SNX29: variants seen among roughly 807,000 people sequenced by gnomAD.
The protein encoded by SNX29 is sorting nexin 29, also known as sorting nexin-29.
In SNX29, 78 loss-of-function variants were observed where a neutral mutation model predicts 102.1. That is an observed-to-expected ratio of 0.76 (90% CI 0.64 to 0.92). The LOEUF (loss-of-function observed/expected upper bound fraction) is 0.92, where lower values mean the gene tolerates loss of function less well. SNX29 is among the 40% of genes least tolerant of loss of function. The probability of loss-of-function intolerance (pLI) is 0.00; values close to 1 mark genes in which losing one functional copy is unlikely to be tolerated. For missense variants in SNX29, 1,280 were observed against 1,061.7 expected (o/e 1.21, Z -2.86); for synonymous variants, 580 against 414.5 (o/e 1.40, Z -4.85).
intron 15 of SNX29, among the ~76,000 whole-genome samples, chr16:12,333,031 A>G (rs1455911130): frequency 6.6e-6 from 1 of 151,974 alleles, no homozygotes; most frequent in Non-Finnish European, 1.5e-5. Flanking sequence ...AATGAAGGGA[A>G]TGGAGTATTT....
chr16:12,328,572 G>A (rs886644172), intron 15 of SNX29, among the ~76,000 whole-genome samples: 9 of 151,994 alleles, frequency 5.9e-5, no homozygotes, highest in Admixed American at 2.0e-4. Flanking sequence ...CAGATTCCTC[G>A]TTCTCTGTCC....
chr16:12,411,868 G>C (rs889810), intron 18 of SNX29, among the ~76,000 whole-genome samples: 85,542 of 152,058 alleles, frequency 0.56, 24,583 homozygotes, highest in Non-Finnish European at 0.63. Context: ...TTTGTGATCT[G>C]ATAACCACTT....
chr16:12,220,358 C>T (rs910575113), intron 14 of SNX29, among the ~76,000 whole-genome samples: 10 of 151,708 alleles, frequency 6.6e-5, no homozygotes, highest in Non-Finnish European at 1.3e-4. Flanking sequence ...GCAACAGATT[C>T]ACAGGCACAA....
intron 18 of SNX29, among the ~76,000 whole-genome samples, chr16:12,405,991 C>A (rs1421433033): frequency 1.3e-5 from 2 of 151,668 alleles, no homozygotes; most frequent in African/African-American, 4.8e-5. Context: ...GAGATCGCAC[C>A]ATTGCACTCC....
chr16:12,028,290 G>T (rs1469786579), intron 4 of SNX29, among the ~76,000 whole-genome samples: 2 of 152,078 alleles, frequency 1.3e-5, no homozygotes, highest in Non-Finnish European at 2.9e-5. Flanking sequence ...ATAATCCTTA[G>T]TCTTTCCCTC....
intron 20 of SNX29, among the ~76,000 whole-genome samples, chr16:12,540,036 A>T (rs2077257705): frequency 6.6e-6 from 1 of 152,010 alleles, no homozygotes; most frequent in African/African-American, 2.4e-5. Context: ...ATTTTGATGA[A>T]ATTTACTTTT....
chr16:12,561,822 A>C (rs1005063693), intron 20 of SNX29, among the ~76,000 whole-genome samples: 4 of 152,010 alleles, frequency 2.6e-5, no homozygotes, highest in Non-Finnish European at 5.9e-5. Context: ...CGCAGCTTAC[A>C]TCCTTCTCCC....
intron 13 of SNX29, among the ~76,000 whole-genome samples, chr16:12,178,064 C>T (rs561595598): frequency 6.6e-6 from 1 of 152,208 alleles, no homozygotes; most frequent in African/African-American, 2.4e-5. Flanking sequence ...CTGGTAAATG[C>T]TCTATGTCAT....
intron 18 of SNX29, among the ~76,000 whole-genome samples, chr16:12,462,934 C>A (rs1187122857): frequency 6.6e-6 from 1 of 152,218 alleles, no homozygotes; most frequent in Non-Finnish European, 1.5e-5. Flanking sequence ...TTTACATCCC[C>A]CTGCTATGAT....
chr16:12,209,963 T>C (rs1335318482), intron 14 of SNX29, among the ~76,000 whole-genome samples: 1 of 152,132 alleles, frequency 6.6e-6, no homozygotes, highest in Non-Finnish European at 1.5e-5. Context: ...ACGAATTCGT[T>C]TGGGTTGAAG....
chr16:12,061,145 A>G (rs557617299), intron 8 of SNX29, among the ~76,000 whole-genome samples: 1 of 152,204 alleles, frequency 6.6e-6, no homozygotes, highest in Admixed American at 6.5e-5. Context: ...GCAGCCTTCC[A>G]TGACCTTCCT....
intron 14 of SNX29, among the ~76,000 whole-genome samples, chr16:12,264,845 G>A (rs1415678430): frequency 6.6e-6 from 1 of 151,994 alleles, no homozygotes; most frequent in African/African-American, 2.4e-5. Context: ...ATATCCCAGG[G>A]CACAACAGTT....
chr16:12,463,973 T>TTA (rs1435762493), intron 18 of SNX29, among the ~76,000 whole-genome samples: 1 of 152,014 alleles, frequency 6.6e-6, no homozygotes. Context: ...TAAGAGAAAG[T>TTA]TATAAGATGT....
At chr16:12,562,049 T>TGTGC (rs2078755395) in intron 20 of SNX29, among the ~76,000 whole-genome samples, 1 of 150,726 alleles carries the variant, frequency 6.6e-6, no homozygotes, top group African/African-American at 2.4e-5. Flanking sequence ...TGGAATCATC[T>TGTGC]GTGCCGTTTT....
chr16:12,202,752 C>G (rs1384180107), intron 14 of SNX29, among the ~76,000 whole-genome samples: 2 of 152,260 alleles, frequency 1.3e-5, no homozygotes, highest in Non-Finnish European at 2.9e-5. Flanking sequence ...CTCATGCTTT[C>G]ATTTTGGGCT....
intron 3 of SNX29, among the ~76,000 whole-genome samples, chr16:12,019,178 A>G (rs2056940031): frequency 6.6e-6 from 1 of 152,146 alleles, no homozygotes; most frequent in Non-Finnish European, 1.5e-5. Flanking sequence ...AGGTTCAGAA[A>G]AGTATGAAAG....
At chr16:12,304,654 A>T (rs1317476585) in intron 15 of SNX29, among the ~76,000 whole-genome samples, 1 of 152,092 alleles carries the variant, frequency 6.6e-6, no homozygotes, top group Non-Finnish European at 1.5e-5. Flanking sequence ...TGGCCTCCCA[A>T]AGTGTTGGGA....
At chr16:12,481,101 G>GC (rs1294635294) in intron 19 of SNX29, among the ~76,000 whole-genome samples, 5 of 152,072 alleles carry the variant, frequency 3.3e-5, no homozygotes, top group African/African-American at 1.2e-4. Context: ...TGTCAGCCAA[G>GC]CAATGTGCTT....
intron 10 of SNX29, among the ~76,000 whole-genome samples, chr16:12,070,949 CTT>C (rs2051266497): frequency 6.6e-6 from 1 of 151,760 alleles, no homozygotes; most frequent in African/African-American, 2.4e-5. Context: ...TTTCATGTGT[CTT>C]TTGGCTGCAT....
Sources: allele counts gnomAD v4.1 joint callset (sites outside exome capture counted in the v4.1 genomes callset), GRCh38; gene constraint gnomAD v4.1.1; transcripts MANE v1.5; gene names NCBI Gene and HGNC (gene_info 2026-07-23, HGNC 2026-07-21).